The following CDKN2B-AS1 variants were observed in gnomAD, a reference collection of about 807,000 sequenced individuals.
CDKN2B-AS1 encodes the protein CDKN2B and CDKN2A antisense cis and trans regulatory RNA 1.
chr9:22,127,889 A>G (rs1484115755), exon 5 of CDKN2B-AS1, among the ~76,000 whole-genome samples: 2 of 152,186 alleles, frequency 1.3e-5, no homozygotes, highest in Admixed American at 1.3e-4. Flanking sequence ...TAAGAAAAGT[A>G]GAGTGGTGAA....
At position 22,018,620 on chromosome 9, in the gene CDKN2B-AS1, T is replaced by C. The variant is rs368595302; in HGVS notation, n.29+23459T>C. On this transcript the variant is annotated intron_variant and non_coding_transcript_variant, in intron 1 of 4. Transcript: ENST00000650946. ...TGCCTGTGCACTCGGGCCACTGCCGTCCAGCCTGGGTGACAGCGCAAGACT... is the reference window on the plus strand; with the variant it reads ...TGCCTGTGCACTCGGGCCACTGCCGCCCAGCCTGGGTGACAGCGCAAGACT... 3.3e-3 allele frequency among the ~76,000 whole-genome samples: 508 copies of C among 152,294 alleles called. 2 individuals carry two copies. Among genetic ancestry groups the C allele is most frequent in the African/African-American group, 0.011 (452 of 41,566 alleles).
chr9:22,012,625 A>C (rs1462113292), intron 1 of CDKN2B-AS1: 1 of 389,780 alleles, frequency 2.6e-6, no homozygotes, highest in Non-Finnish European at 4.9e-6. Flanking sequence ...TGACTGGAAA[A>C]AAAAAAAGTA....
intron 1 of CDKN2B-AS1, among the ~76,000 whole-genome samples, chr9:22,033,224 G>C (rs923332713): frequency 5.3e-5 from 8 of 150,766 alleles, no homozygotes; most frequent in Non-Finnish European, 1.0e-4. Context: ...TGCCAAAAAG[G>C]TTGGGGACCA....
intron 4 of CDKN2B-AS1, among the ~76,000 whole-genome samples, chr9:22,076,301 G>C (rs888747028): frequency 6.6e-6 from 1 of 152,004 alleles, no homozygotes; most frequent in East Asian, 1.9e-4. Context: ...TGATCCACCC[G>C]CCTGGGCCTC....
chr9:22,090,478 C>T (rs1038813271), intron 4 of CDKN2B-AS1, among the ~76,000 whole-genome samples: 2 of 152,222 alleles, frequency 1.3e-5, no homozygotes, highest in African/African-American at 2.4e-5. Context: ...TCCACATCCT[C>T]TCCAGCACCT....
intron 4 of CDKN2B-AS1, among the ~76,000 whole-genome samples, chr9:22,085,549 T>A (rs1283249037): frequency 6.6e-6 from 1 of 152,002 alleles, no homozygotes. Context: ...TGAAACCCCG[T>A]CTCTACTAAA....
chr9:22,081,797 A>G (rs10965227), intron 4 of CDKN2B-AS1, among the ~76,000 whole-genome samples: 26,585 of 152,286 alleles, frequency 0.17, 3,127 homozygotes, highest in Admixed American at 0.36. Flanking sequence ...AAAATAGGGA[A>G]AATGTAGAAA....
chr9:22,122,392 T>A (rs1325127864), intron 4 of CDKN2B-AS1, among the ~76,000 whole-genome samples: 1 of 152,190 alleles, frequency 6.6e-6, no homozygotes, highest in Non-Finnish European at 1.5e-5. Flanking sequence ...ACAAAAGCTA[T>A]TTGGATTGAT....
chr9:22,093,124 G>T (rs1433453351), intron 4 of CDKN2B-AS1, among the ~76,000 whole-genome samples: 1 of 150,804 alleles, frequency 6.6e-6, no homozygotes. Context: ...TTCCATGTAG[G>T]TGAGCGGTTT....
intron 1 of CDKN2B-AS1, among the ~76,000 whole-genome samples, chr9:22,035,825 G>C (rs1033052205): frequency 6.6e-6 from 1 of 152,160 alleles, no homozygotes; most frequent in African/African-American, 2.4e-5. Context: ...AGAAGGAGAA[G>C]AGGCCATGAT....
At chr9:22,023,676 A>G (rs1822105674) in intron 1 of CDKN2B-AS1, among the ~76,000 whole-genome samples, 1 of 152,074 alleles carries the variant, frequency 6.6e-6, no homozygotes, top group Non-Finnish European at 1.5e-5. Context: ...CTGGGAGATG[A>G]AGGTTGCAGT....
intron 4 of CDKN2B-AS1, among the ~76,000 whole-genome samples, chr9:22,122,212 C>T (rs1010990183): frequency 3.3e-5 from 5 of 151,836 alleles, no homozygotes; most frequent in Admixed American, 1.3e-4. Flanking sequence ...TTTTGAGAAA[C>T]GTCTGTTCAG....
At chr9:22,031,802 CCT>C (rs1646417220) in intron 1 of CDKN2B-AS1, among the ~76,000 whole-genome samples, 1 of 152,254 alleles carries the variant, frequency 6.6e-6, no homozygotes, top group East Asian at 1.9e-4. Flanking sequence ...GTAGAGGTCA[CCT>C]CTCTGATAAG....
chr9:22,044,899 A>G (rs1409966932), intron 1 of CDKN2B-AS1, among the ~76,000 whole-genome samples: 1 of 152,068 alleles, frequency 6.6e-6, no homozygotes, highest in Non-Finnish European at 1.5e-5. Flanking sequence ...ACTCTCTCCT[A>G]AGAATACTAC....
chr9:22,091,617 G>C (rs1825086946), intron 4 of CDKN2B-AS1, among the ~76,000 whole-genome samples: 1 of 151,976 alleles, frequency 6.6e-6, no homozygotes, highest in Non-Finnish European at 1.5e-5. Context: ...CTCATGATTT[G>C]GCTCTCTGTC....
chr9:22,082,934 A>G (rs1158622783), intron 4 of CDKN2B-AS1, among the ~76,000 whole-genome samples: 1 of 152,184 alleles, frequency 6.6e-6, no homozygotes, highest in Admixed American at 6.5e-5. Flanking sequence ...TTAGAGGTTC[A>G]GGCTTGAGAA....
intron 1 of CDKN2B-AS1, among the ~76,000 whole-genome samples, chr9:22,013,288 A>G (rs1442240820): frequency 2.6e-5 from 4 of 152,250 alleles, no homozygotes; most frequent in African/African-American, 9.6e-5. Context: ...TAGAGGTGAC[A>G]GAATTTAACC....
chr9:22,008,731 C>G (rs201305174), intron 1 of CDKN2B-AS1: 13 of 1,610,866 alleles, frequency 8.1e-6, no homozygotes, highest in Admixed American at 5.0e-5. Flanking sequence ...GTTCCAGCCC[C>G]GATCCGCCGA....
rs78545330 is a variant in CDKN2B-AS1 at position 21,995,942 on chromosome 9, T to A, written n.29+781T>A. On this transcript the variant is annotated intron_variant and non_coding_transcript_variant, in intron 1 of 4. Coordinates refer to ENST00000650946, the Ensembl canonical transcript of CDKN2B-AS1. The surrounding 1 kb of genome is among the most constrained non-coding windows in gnomAD (Gnocchi z 5.7). ...AGTGGGTGGGTGTGTGCCAGAGGATTCGGGACTAGGCCCAGCTCCGGGAAC... is the reference window on the plus strand; with the variant it reads ...AGTGGGTGGGTGTGTGCCAGAGGATACGGGACTAGGCCCAGCTCCGGGAAC... 0.14 allele frequency: 21,206 copies of A among 152,720 alleles called. 1,792 individuals are homozygous for A. Among genetic ancestry groups the A allele is most frequent in the African/African-American group, 0.24 (9,862 of 41,568 alleles). The allele number at this position is 152,720 out of a possible 1,614,324, so 9.5% of individuals were successfully genotyped here. A position where few individuals can be genotyped will look rare whatever the true frequency, so the allele number is the denominator to read the frequency against.
Sources: allele counts gnomAD v4.1 joint callset (sites outside exome capture counted in the v4.1 genomes callset), GRCh38; gene constraint gnomAD v4.1.1; non-coding constraint Gnocchi (gnomAD v3.1); transcripts MANE v1.5; gene names NCBI Gene and HGNC (gene_info 2026-07-23, HGNC 2026-07-21).